The following TAF4 variants were observed in gnomAD, a reference collection of about 807,000 sequenced individuals.
TAF4 encodes TATA-box binding protein associated factor 4.
A neutral mutation model predicts 90.3 loss-of-function variants in TAF4; 9 were observed. The ratio of observed to expected loss-of-function variants is 0.10; its 90% CI spans 0.06 to 0.17. The LOEUF is 0.17. TAF4 is among the 10% of genes least tolerant of loss of function. The probability of loss-of-function intolerance (pLI) is 1.00; values close to 1 mark genes in which losing one functional copy is unlikely to be tolerated. For synonymous variants in TAF4, 818 were observed against 638.9 expected, an observed-to-expected ratio of 1.28 and a Z score of -4.23; for missense variants, 1,351 against 1,370.7, an observed-to-expected ratio of 0.99 and a Z score of 0.23.
chr20:61,992,100 T>C (rs1318874801), intron 14 of TAF4, among the ~76,000 whole-genome samples: 1 of 152,118 alleles, frequency 6.6e-6, no homozygotes, highest in African/African-American at 2.4e-5. Context: ...CAAAAGAATC[T>C]AGCAGAGAAT....
chr20:62,055,943 T>C (rs1312859767), intron 1 of TAF4, among the ~76,000 whole-genome samples: 1 of 152,188 alleles, frequency 6.6e-6, no homozygotes, highest in South Asian at 2.1e-4. Context: ...ACCCTCGGAA[T>C]GTGCTCATGC....
chr20:62,032,138 A>G (rs1388878488), intron 1 of TAF4, among the ~76,000 whole-genome samples: 2 of 152,214 alleles, frequency 1.3e-5, no homozygotes, highest in East Asian at 3.8e-4. Flanking sequence ...TGCTAACTTA[A>G]AAACAGTTAG....
At position 62,065,076 on chromosome 20, in the gene TAF4, G is replaced by C; in HGVS notation, c.735C>G (p.Gly245=). The C allele has an allele frequency of 3.2e-6, 3 of 943,978 alleles. No individual in the cohort carries two copies. The highest frequency in any genetic ancestry group is 2.5e-6 in the Non-Finnish European group (2 of 799,220). 58.5% of individuals were successfully genotyped at this position (943,978 alleles called of 1,614,324 possible). A position where few individuals can be genotyped will look rare whatever the true frequency, so the allele number is the denominator to read the frequency against. ...CGGCGGGCGCGGGGGGCGCGGCGGC[G>C]CCCACGAAGGGGGGCGTCTGGATGA... ...GTVIQTPPFV[G]AAAPPAPAAP... is the part of the protein sequence containing the mutation. Residue 245 remains glycine (G), a synonymous_variant, in exon 1 of 15, where the codon GGC becomes GGG. Coordinates refer to ENST00000252996, the MANE Select transcript of TAF4 (RefSeq NM_003185.4).
In TAF4 at chr20:62,065,754, C is replaced by T. The variant is rs1306005617; in HGVS notation, c.57G>A (p.Glu19=). Residue 19 remains glutamate (E), a synonymous_variant, in exon 1 of 15, where the codon GAG becomes GAA. Coordinates refer to ENST00000252996, the MANE Select transcript of TAF4 (RefSeq NM_003185.4). ...AGCCCACCAGGTCGCTCACCACTTT[C>T]TCGTCCACCTCGCTGTTGAAGAAGA... ...DEVFFNSEVD[E]KVVSDLVGSL... 3.4e-5 allele frequency: 45 copies of T among 1,338,884 alleles called. No homozygotes were observed. The highest frequency in any genetic ancestry group is 4.7e-5 in the African/African-American group (3 of 63,814). 82.9% of individuals were successfully genotyped at this position (1,338,884 alleles called of 1,614,324 possible).
At chr20:61,984,056 TGCTAGCAGCA>T (rs2055567001) in intron 14 of TAF4, among the ~76,000 whole-genome samples, 1 of 151,970 alleles carries the variant, frequency 6.6e-6, no homozygotes, top group Non-Finnish European at 1.5e-5. Context: ...GACAGAAACA[TGCTAGCAGCA>T]GTCATGGAAC....
At chr20:62,053,994 G>A (rs1415424286) in intron 1 of TAF4, among the ~76,000 whole-genome samples, 2 of 152,224 alleles carry the variant, frequency 1.3e-5, no homozygotes, top group Non-Finnish European at 2.9e-5. Context: ...CAGCTGGGGG[G>A]AGCCCAAGCA....
chr20:62,044,727 C>T (rs2055983241), intron 1 of TAF4, among the ~76,000 whole-genome samples: 1 of 152,180 alleles, frequency 6.6e-6, no homozygotes, highest in Admixed American at 6.5e-5. Context: ...AATACAATTT[C>T]ACAGAATTTA....
intron 11 of TAF4, among the ~76,000 whole-genome samples, chr20:61,999,432 G>GC (rs2055684698): frequency 6.6e-6 from 1 of 152,220 alleles, no homozygotes; most frequent in Non-Finnish European, 1.5e-5. Flanking sequence ...TACAGCAAGG[G>GC]CTAAGTGTGT....
At chr20:62,020,272 C>G (rs528360548) in intron 1 of TAF4, among the ~76,000 whole-genome samples, 11 of 152,334 alleles carry the variant, frequency 7.2e-5, no homozygotes, top group African/African-American at 2.4e-4. Flanking sequence ...GCTGTGCCCT[C>G]TGCCGGTGGG....
intron 14 of TAF4, among the ~76,000 whole-genome samples, chr20:61,979,580 G>T (rs6089578): frequency 0.45 from 53,100 of 118,572 alleles, 14,743 homozygotes; most frequent in Middle Eastern, 0.65. Context: ...ATGCAGGCGC[G>T]ACGGCCTCTA....
chr20:62,003,920 G>A, intron 7 of TAF4, 42 bp from the exon 8 acceptor site: 1 of 1,504,648 alleles, frequency 6.6e-7, no homozygotes. Flanking sequence ...TGCTCCCCGA[G>A]GGCCAGGGGC....
At chr20:62,012,668 T>C (rs183154827) in intron 3 of TAF4, 147 bp downstream of exon 3, 283 of 1,192,490 alleles carry the variant, frequency 2.4e-4, no homozygotes, top group East Asian at 2.3e-3. Flanking sequence ...GAAAAAGCAC[T>C]TTCTTCACAG....
Position 62,064,914 on chromosome 20 carries a change from G to C in TAF4, c.897C>G (p.Pro299=). The change falls in exon 1 of 15, where the codon CCC becomes CCG. Residue 299 remains proline, a synonymous_variant. Coordinates refer to ENST00000252996, the MANE Select transcript of TAF4 (RefSeq NM_003185.4). Reference sequence around the variant, plus strand: ...TGCCCCCGTTCTGGGCGGCGGCGGGGGGCGGCACGGCGGGCGCGGCGGTCG... The same window carrying C: ...TGCCCCCGTTCTGGGCGGCGGCGGGCGGCGGCACGGCGGGCGCGGCGGTCG... ...GPPTAAPAVP[P]PAAAQNGGSA... is the part of the protein sequence containing the mutation. The C allele has an allele frequency of 5.9e-6, 4 of 679,796 alleles. No individual in the cohort carries two copies. The highest frequency in any genetic ancestry group is 7.2e-6 in the Non-Finnish European group (4 of 556,358). The allele number at this position is 679,796 out of a possible 1,614,324, so 42.1% of individuals were successfully genotyped here. A position where few individuals can be genotyped will look rare whatever the true frequency, so the allele number is the denominator to read the frequency against.
intron 6 of TAF4, among the ~76,000 whole-genome samples, chr20:62,007,322 G>A (rs996246108): frequency 1.1e-4 from 16 of 152,272 alleles, no homozygotes; most frequent in African/African-American, 3.4e-4. Context: ...ACCACCTTGC[G>A]CACGACAGAA....
intron 1 of TAF4, among the ~76,000 whole-genome samples, chr20:62,044,674 T>C (rs1248302099): frequency 1.3e-5 from 2 of 152,324 alleles, no homozygotes; most frequent in South Asian, 2.1e-4. Context: ...AATATGTTTA[T>C]GTTACTAGGA....
At chr20:61,995,581 G>GA (rs150463354) in intron 14 of TAF4, among the ~76,000 whole-genome samples, 2,505 of 80,492 alleles carry the variant, frequency 0.031, 604 homozygotes, top group African/African-American at 0.043. Flanking sequence ...AAAAAAATTT[G>GA]AGCCGGGCGC....
intron 14 of TAF4, among the ~76,000 whole-genome samples, chr20:61,995,145 C>A (rs896810757): frequency 1.3e-5 from 2 of 152,170 alleles, no homozygotes; most frequent in African/African-American, 4.8e-5. Flanking sequence ...TCACAGAGTC[C>A]AGTCTCTTGG....
intron 1 of TAF4, among the ~76,000 whole-genome samples, chr20:62,015,195 G>A (rs1184752349): frequency 1.3e-5 from 2 of 152,218 alleles, no homozygotes; most frequent in Non-Finnish European, 2.9e-5. Flanking sequence ...GGTGGGCCAC[G>A]AGGCTCCTCA....
intron 1 of TAF4, among the ~76,000 whole-genome samples, chr20:62,031,280 C>A (rs1473152892): frequency 6.6e-6 from 1 of 152,220 alleles, no homozygotes; most frequent in Non-Finnish European, 1.5e-5. Context: ...CCTCGTCCTC[C>A]AGGCACCGCA....
Sources: allele counts gnomAD v4.1 joint callset (sites outside exome capture counted in the v4.1 genomes callset), GRCh38; gene constraint gnomAD v4.1.1; transcripts MANE v1.5; gene names NCBI Gene and HGNC (gene_info 2026-07-23, HGNC 2026-07-21).